Variants in VPS53 observed in about 807,000 individuals in gnomAD.
The protein encoded by VPS53 is VPS53 subunit of GARP complex, also known as vacuolar protein sorting-associated protein 53 homolog.
Under a neutral mutation model 107.0 loss-of-function variants are expected in VPS53, and 70 were observed. The observed-to-expected ratio is 0.65, with a 90% CI of 0.54 to 0.80. The LOEUF is 0.80. Ranked by LOEUF, VPS53 falls within the 30% of genes least tolerant of loss-of-function variation. VPS53 has a pLI of 0.00. For synonymous variants in VPS53, 409 were observed against 393.3 expected (o/e 1.04, Z -0.47); for missense variants, 917 against 1,049.4 (o/e 0.87, Z 1.74).
chr17:628,947 G>A (rs1244736483), intron 8 of VPS53, among the ~76,000 whole-genome samples: 1 of 152,192 alleles, frequency 6.6e-6, no homozygotes, highest in African/African-American at 2.4e-5. Flanking sequence ...TTTCTTTACA[G>A]TACGTCACTG....
chr17:524,225 G>A lies in VPS53; in HGVS notation c.2086-2487C>T, dbSNP rs541463977. Among the ~76,000 whole-genome samples the A allele has an allele frequency of 3.3e-5, 5 of 152,064 alleles. No homozygotes were observed. Among genetic ancestry groups the A allele is most frequent in the Admixed American group, 1.3e-4 (2 of 15,268 alleles). On this transcript the variant is annotated intron_variant, in intron 19 of 21. Coordinates refer to ENST00000437048, the MANE Select transcript of VPS53 (RefSeq NM_001128159.3). This position sits in a 1 kb window ranked among gnomAD's most constrained non-coding sequence, Gnocchi z 4.5. The stretch of plus-strand genomic sequence containing the variant: ...GAGGCAGGAGAATTGCTTGAACCTG[G>A]GAGGTTTGCGCTACAGCCTGGGTGA...
intron 7 of VPS53, among the ~76,000 whole-genome samples, chr17:652,811 C>G (rs1048645779): frequency 1.3e-5 from 2 of 152,202 alleles, no homozygotes; most frequent in African/African-American, 4.8e-5. Context: ...ATGGGGACAA[C>G]TGAGAGTTGT....
At chr17:657,428 C>G in intron 5 of VPS53, 1 of 888,864 alleles carries the variant, frequency 1.1e-6, no homozygotes, top group Non-Finnish European at 1.9e-6. Flanking sequence ...GGGGAAGACA[C>G]TCTCTCAACT....
At chr17:558,082 A>C (rs1912598135) in intron 15 of VPS53, among the ~76,000 whole-genome samples, 1 of 152,076 alleles carries the variant, frequency 6.6e-6, no homozygotes, top group African/African-American at 2.4e-5. Context: ...CTGGTCTTGG[A>C]CTATTGGCCT....
intron 17 of VPS53, among the ~76,000 whole-genome samples, chr17:541,258 G>A (rs147086997): frequency 1.1e-4 from 17 of 152,300 alleles, no homozygotes; most frequent in Non-Finnish European, 1.9e-4. Flanking sequence ...AGGTACCTTC[G>A]GCAAGTGCAG....
chr17:623,614 A>T lies in VPS53; in HGVS notation c.1035T>A (p.Leu345=), dbSNP rs1162584359. 6.2e-7 allele frequency: 1 copy of T among 1,613,968 alleles called. No homozygotes were observed. Among genetic ancestry groups the T allele is most frequent in the Admixed American group, 1.7e-5 (1 of 60,002 alleles). ...RAKEIEVKLL[L]FAIQRTTNFE... Reference sequence around the variant, plus strand: ...AGTTAGTTGTTCTTTGAATAGCAAAAAGAAGCAATTTCACTTCAATTTCCT... The same window carrying T: ...AGTTAGTTGTTCTTTGAATAGCAAATAGAAGCAATTTCACTTCAATTTCCT... The change falls in exon 11 of 22, where the codon CTT becomes CTA. Residue 345 remains leucine (L), a synonymous_variant. Coordinates refer to ENST00000437048, the MANE Select transcript of VPS53 (RefSeq NM_001128159.3).
rs11361535 is a variant in VPS53 at position 515,956 on chromosome 17, C to CTTTTTTTTTTTTTTTTTTTT, written c.*3171_*3172insAAAAAAAAAAAAAAAAAAAA. ...ATTACAGGCACCCGCCACCTGCCTG[C>CTTTTTTTTTTTTTTTTTTTT]TTTTTTTTTTTTTTTTTTTGTATTT... On this transcript the variant is annotated 3_prime_UTR_variant, in exon 22 of 22. Transcript: ENST00000437048. The CTTTTTTTTTTTTTTTTTTTT allele has an allele frequency of 3.6e-5, 4 of 109,628 alleles. No homozygotes were observed. The highest frequency in any genetic ancestry group is 1.0e-4 in the Admixed American group (1 of 9,828). The allele number at this position is 109,628 out of a possible 1,614,324, so 6.8% of individuals were successfully genotyped here.
intron 4 of VPS53, among the ~76,000 whole-genome samples, chr17:696,151 T>C (rs1322645389): frequency 1.3e-5 from 2 of 152,080 alleles, no homozygotes; most frequent in East Asian, 1.9e-4. Context: ...ATTCTGATGA[T>C]GACAAGAAGG....
chr17:633,676 G>C (rs1455091456), intron 7 of VPS53, among the ~76,000 whole-genome samples: 1 of 152,152 alleles, frequency 6.6e-6, no homozygotes, highest in African/African-American at 2.4e-5. Flanking sequence ...TTTTGAGTCA[G>C]TTTTCAAGGA....
At chr17:563,287 CTTTTTTTTTTT>C (rs36076034) in intron 13 of VPS53, among the ~76,000 whole-genome samples, 27 of 103,314 alleles carry the variant, frequency 2.6e-4, no homozygotes, top group Admixed American at 9.6e-4. Context: ...ACTTCATTTC[CTTTTTTTTTTT>C]TTTTTTTTTT....
intron 19 of VPS53, chr17:523,155 A>C (rs1322750028): frequency 6.6e-6 from 1 of 152,566 alleles, no homozygotes; most frequent in East Asian, 1.9e-4. Context: ...GCTCACACTG[A>C]CTCCTGCTGA....
chr17:551,036 AG>A (rs1260824352), intron 17 of VPS53, among the ~76,000 whole-genome samples: 1 of 152,214 alleles, frequency 6.6e-6, no homozygotes, highest in African/African-American at 2.4e-5. Context: ...CAAGGTTTTT[AG>A]CATGTGTCAG....
chr17:547,279 G>C lies in VPS53; in HGVS notation c.1866+4593C>G, dbSNP rs184950616. ...ATTAGAAAGTAGAAATAACTCAAACGTCCAATAGACGAATGAATAAACAAA... is the reference window on the plus strand; with the variant it reads ...ATTAGAAAGTAGAAATAACTCAAACCTCCAATAGACGAATGAATAAACAAA... On this transcript the variant is annotated intron_variant, in intron 17 of 21. Transcript: ENST00000437048. Among the ~76,000 whole-genome samples, 7 of 152,248 alleles carry C rather than the reference G, an allele frequency of 4.6e-5. No individual in the cohort carries two copies. In the East Asian group the frequency reaches 1.4e-3, roughly 29 times the overall value.
At chr17:549,818 A>C (rs748543333) in intron 17 of VPS53, among the ~76,000 whole-genome samples, 1 of 152,206 alleles carries the variant, frequency 6.6e-6, no homozygotes, top group Non-Finnish European at 1.5e-5. Context: ...GAATGCTGAG[A>C]ATACTGGAAG....
chr17:684,327 T>C (rs1225469301), intron 4 of VPS53, among the ~76,000 whole-genome samples: 1 of 152,080 alleles, frequency 6.6e-6, no homozygotes, highest in East Asian at 1.9e-4. Context: ...AAAAAAAAAA[T>C]TCCTGAAACT....
At chr17:631,523 A>G (rs1308468527) in intron 8 of VPS53, 27 bp downstream of exon 8, 2 of 1,611,098 alleles carry the variant, frequency 1.2e-6, no homozygotes, top group Non-Finnish European at 1.7e-6. Flanking sequence ...GATCATCTCT[A>G]AAGACTGGGG....
chr17:705,089 A>C (rs978727309), intron 2 of VPS53, among the ~76,000 whole-genome samples: 7 of 152,220 alleles, frequency 4.6e-5, no homozygotes, highest in African/African-American at 7.2e-5. Context: ...ATGGGGATCA[A>C]GAGCTCTGCA....
At chr17:539,339 T>C (rs865820420) in intron 17 of VPS53, 1 of 152,172 alleles carries the variant, frequency 6.6e-6, no homozygotes, top group Non-Finnish European at 1.5e-5. Flanking sequence ...TGATGATCAC[T>C]GGCCAAGTCA....
At chr17:652,672 C>T (rs1480666831) in intron 7 of VPS53, among the ~76,000 whole-genome samples, 3 of 152,192 alleles carry the variant, frequency 2.0e-5, no homozygotes, top group Non-Finnish European at 2.9e-5. Flanking sequence ...TAATGCTGCA[C>T]GGAGCAGGGA....
Sources: gnomAD v4.1 joint callset for allele counts (sites outside exome capture counted in the v4.1 genomes callset) on GRCh38, gnomAD v4.1.1 for gene constraint, Gnocchi (gnomAD v3.1) non-coding constraint, MANE v1.5 for transcripts, NCBI Gene and HGNC (gene_info 2026-07-23, HGNC 2026-07-21) for gene names.